NXNL2: variants seen among roughly 807,000 people sequenced by gnomAD.
The protein encoded by NXNL2 is nucleoredoxin like 2.
A neutral mutation model predicts 11.1 loss-of-function variants in NXNL2; 7 were observed. That is an observed-to-expected ratio of 0.63 (90% CI 0.36 to 1.18). The LOEUF (loss-of-function observed/expected upper bound fraction) is 1.18, where lower values mean the gene tolerates loss of function less well. Among genes scored for constraint, NXNL2 ranks in the 50% most tolerant of loss-of-function variants. NXNL2 has a pLI of 0.02. For missense variants in NXNL2, 233 were observed against 217.7 expected (o/e 1.07, Z -0.44); for synonymous variants, 109 against 101.8 (o/e 1.07, Z -0.42).
intron 2 of NXNL2, among the ~76,000 whole-genome samples, chr9:88,573,148 AT>A (rs35107510): frequency 1.8e-3 from 265 of 148,166 alleles, no homozygotes; most frequent in African/African-American, 4.8e-3. Context: ...AAAATAGTCA[AT>A]TTTTTTTTTT....
At chr9:88,580,821 A>G (rs1830401155) in intron 1 of NXNL2, among the ~76,000 whole-genome samples, 1 of 152,180 alleles carries the variant, frequency 6.6e-6, no homozygotes, top group Non-Finnish European at 1.5e-5. Flanking sequence ...AAGTCATCAA[A>G]TGTCCTTGGT....
intron 1 of NXNL2, among the ~76,000 whole-genome samples, chr9:88,543,359 T>G (rs1178413724): frequency 1.3e-5 from 2 of 151,870 alleles, no homozygotes; most frequent in Non-Finnish European, 2.9e-5. Context: ...CTCGACCTCC[T>G]GGGCTCAAGC....
chr9:88,549,285 C>T (rs750831488), downstream of NXNL2, among the ~76,000 whole-genome samples: 9 of 152,152 alleles, frequency 5.9e-5, no homozygotes, highest in Admixed American at 2.6e-4. Flanking sequence ...TCTGTCAACC[C>T]GATGTCACCC....
chr9:88,556,139 A>T (rs1830008372), intron 1 of NXNL2, among the ~76,000 whole-genome samples: 1 of 152,152 alleles, frequency 6.6e-6, no homozygotes, highest in African/African-American at 2.4e-5. Flanking sequence ...CGGCCCCCAG[A>T]GGGTCACAGC....
At chr9:88,580,138 C>CA (rs989538931), downstream of NXNL2, among the ~76,000 whole-genome samples, 506 of 118,222 alleles carry the variant, frequency 4.3e-3, 1 homozygote, top group Non-Finnish European at 6.1e-3. Flanking sequence ...GACTCCATCT[C>CA]AAAAAAAAAA....
chr9:88,567,117 T>C (rs1830186987), intron 1 of NXNL2, among the ~76,000 whole-genome samples: 1 of 152,190 alleles, frequency 6.6e-6, no homozygotes. Context: ...TAGTAGATTC[T>C]CTATAACTAT....
chr9:88,559,393 G>A (rs1043893260), intron 1 of NXNL2, among the ~76,000 whole-genome samples: 6 of 152,212 alleles, frequency 3.9e-5, no homozygotes, highest in Admixed American at 1.3e-4. Flanking sequence ...TGCAACACGA[G>A]CTTGTCCCCT....
intron 1 of NXNL2, among the ~76,000 whole-genome samples, chr9:88,557,405 C>T (rs1454547342): frequency 5.3e-5 from 8 of 152,212 alleles, no homozygotes; most frequent in African/African-American, 1.9e-4. Context: ...CTAGTGGAGG[C>T]TCCTGCACCA....
intron 1 of NXNL2, among the ~76,000 whole-genome samples, chr9:88,556,053 G>A (rs1015000855): frequency 1.4e-4 from 21 of 152,178 alleles, no homozygotes; most frequent in African/African-American, 2.4e-4. Flanking sequence ...CCAGAAACTC[G>A]GAGACACAGC....
At position 88,571,858 on chromosome 9, in the gene NXNL2, G is replaced by A. The variant is rs60176512; in HGVS notation, c.*16+650G>A. ...GCCTTGCCCATTTAACGTCTCCACC[G>A]GAGACCTTCAGCCAGGAGAGCCAGG... On this transcript the variant is annotated intron_variant, in intron 2 of 2. Coordinates refer to the NXNL2 transcript ENST00000375855. Among the ~76,000 whole-genome samples, 1,022 of 152,228 alleles carry A rather than the reference G, an allele frequency of 6.7e-3. 7 individuals carry two copies. Among genetic ancestry groups the A allele is most frequent in the African/African-American group, 0.023 (975 of 41,532 alleles).
At chr9:88,576,746 T>C (rs1350315527), downstream of NXNL2, among the ~76,000 whole-genome samples, 3 of 152,186 alleles carry the variant, frequency 2.0e-5, no homozygotes, top group East Asian at 5.8e-4. Context: ...CCTGGGACTA[T>C]GGAGTAGACT....
intron 1 of NXNL2, among the ~76,000 whole-genome samples, chr9:88,555,339 C>T (rs980378803): frequency 1.3e-5 from 2 of 152,288 alleles, no homozygotes; most frequent in East Asian, 1.9e-4. Context: ...CCTCAAAACC[C>T]GGGGTTCCTC....
chr9:88,577,300 C>CG (rs148501683), downstream of NXNL2, among the ~76,000 whole-genome samples: 5,249 of 149,628 alleles, frequency 0.035, 256 homozygotes, highest in African/African-American at 0.1. Flanking sequence ...TGTGACTGGG[C>CG]GGGGGGGGCG....
downstream of NXNL2, among the ~76,000 whole-genome samples, chr9:88,577,189 A>T (rs764806170): frequency 3.0e-4 from 46 of 152,068 alleles, 1 homozygote; most frequent in Non-Finnish European, 5.1e-4. Context: ...TTAAAAGTGC[A>T]TGTATTTCTG....
At chr9:88,559,276 T>C (rs1351395241) in intron 1 of NXNL2, among the ~76,000 whole-genome samples, 2 of 152,118 alleles carry the variant, frequency 1.3e-5, no homozygotes, top group Non-Finnish European at 2.9e-5. Context: ...ACAGGTTACA[T>C]GGCAAGTATG....
At position 88,535,522 on chromosome 9, in the gene NXNL2, G is replaced by T; in HGVS notation, c.88G>T (p.Ala30Ser). 6.2e-7 allele frequency: 1 copy of T among 1,610,060 alleles called. No individual in the cohort carries two copies. The highest frequency in any genetic ancestry group is 2.2e-5 in the East Asian group (1 of 44,800). ...GGCGGCGCTGCAGAACAAGGTGGTG[G>T]CACTGTACTTCGCGGCGGCCCGGTG... Reference protein sequence around the residue: ...AEAALQNKVVALYFAAARCAP... With the variant: ...AEAALQNKVVSLYFAAARCAP... Residue 30 changes from alanine to serine, a missense_variant, in exon 1 of 2, where the codon GCA becomes TCA. Transcript: ENST00000375854.
intron 1 of NXNL2, among the ~76,000 whole-genome samples, chr9:88,583,194 C>T (rs1345888685): frequency 6.6e-6 from 1 of 152,252 alleles, no homozygotes; most frequent in African/African-American, 2.4e-5. Context: ...CTGTGCAGCA[C>T]TGTTCAAGTC....
intron 2 of NXNL2, among the ~76,000 whole-genome samples, chr9:88,574,282 C>T (rs896319927): frequency 2.6e-5 from 4 of 152,116 alleles, no homozygotes; most frequent in Admixed American, 1.3e-4. Context: ...AAAGAGTATC[C>T]GATACAAGTC....
At chr9:88,582,034 T>A (rs1830413878) in intron 1 of NXNL2, among the ~76,000 whole-genome samples, 1 of 152,146 alleles carries the variant, frequency 6.6e-6, no homozygotes, top group South Asian at 2.1e-4. Context: ...ACCCCAGAGC[T>A]CATTCGGGGT....
Sources: gnomAD v4.1 joint callset for allele counts (sites outside exome capture counted in the v4.1 genomes callset) on GRCh38, gnomAD v4.1.1 for gene constraint, MANE v1.5 for transcripts, NCBI Gene and HGNC (gene_info 2026-07-23, HGNC 2026-07-21) for gene names.